THSD7B: variants seen among roughly 807,000 people sequenced by gnomAD.
THSD7B encodes the protein thrombospondin type 1 domain containing 7B, also known as thrombospondin type-1 domain-containing protein 7B.
THSD7B carries 138 observed loss-of-function variants against 213.6 expected under a neutral mutation model. The ratio of observed to expected loss-of-function variants is 0.65; its 90% CI spans 0.56 to 0.74. THSD7B has a LOEUF of 0.74. Among genes scored for constraint, THSD7B ranks in the 30% least tolerant of loss-of-function variants. The probability of loss-of-function intolerance (pLI) is 0.00; values close to 1 mark genes in which losing one functional copy is unlikely to be tolerated. For synonymous variants in THSD7B, 742 were observed against 687.0 expected (o/e 1.08, Z -1.25); for missense variants, 1,931 against 1,991.5 (o/e 0.97, Z 0.58).
chr2:137,482,174 C>T (rs968142503), intron 15 of THSD7B, among the ~76,000 whole-genome samples: 1 of 121,156 alleles, frequency 8.3e-6, no homozygotes, highest in Non-Finnish European at 1.7e-5. Context: ...AGCAAGACTC[C>T]GGCCCTCCCC....
At position 137,094,830 on chromosome 2, in the gene THSD7B, C is replaced by A. The variant is rs774946639; in HGVS notation, c.951-43C>A. ...GGCACTTTATAATGTTAGTTGCATCCATTAATATATGGCCTCCTATTTTCT... is the reference window on the plus strand; with the variant it reads ...GGCACTTTATAATGTTAGTTGCATCAATTAATATATGGCCTCCTATTTTCT... On this transcript the variant is annotated intron_variant, in intron 3 of 27. Transcript: ENST00000409968. 2.5e-6 allele frequency: 4 copies of A among 1,586,408 alleles called. No homozygotes were observed. The South Asian group carries it at 4.6e-5, about 18-fold the overall frequency.
intron 2 of THSD7B, among the ~76,000 whole-genome samples, chr2:136,909,390 T>G (rs1264532030): frequency 6.6e-6 from 1 of 152,150 alleles, no homozygotes; most frequent in Non-Finnish European, 1.5e-5. Flanking sequence ...CTTTCCTTTA[T>G]CCAAAGATAA....
chr2:137,055,570 C>T (rs887775023), intron 2 of THSD7B, among the ~76,000 whole-genome samples: 4 of 152,124 alleles, frequency 2.6e-5, no homozygotes, highest in Admixed American at 6.5e-5. Flanking sequence ...ATATGATAAA[C>T]GTCAATGGGC....
intron 12 of THSD7B, among the ~76,000 whole-genome samples, chr2:137,348,315 G>A (rs1374459608): frequency 6.6e-6 from 1 of 151,740 alleles, no homozygotes; most frequent in Non-Finnish European, 1.5e-5. Context: ...AATGCCTACT[G>A]AGAGTATCCA....
intron 7 of THSD7B, among the ~76,000 whole-genome samples, chr2:137,188,809 G>T (rs1411424409): frequency 6.6e-6 from 1 of 152,064 alleles, no homozygotes; most frequent in African/African-American, 2.4e-5. Context: ...AATGGACCTG[G>T]GCACTTTAAG....
chr2:137,115,145 A>G lies in THSD7B; in HGVS notation c.1221A>G (p.Glu407=), dbSNP rs1401130897. 5 of 1,613,782 alleles carry G rather than the reference A, an allele frequency of 3.1e-6. No individual in the cohort carries two copies. The highest frequency in any genetic ancestry group is 4.2e-6 in the Non-Finnish European group (5 of 1,179,870). ...QCPRYSWRTS[E]WKECQVSLLL... ...ACAGGTATTCCTGGAGAACTTCTGA[A>G]TGGAAAGAATGCCAAGTCTCTCTCC... The change falls in exon 5 of 28, where the codon GAA becomes GAG. Residue 407 remains glutamate, a synonymous_variant. Coordinates refer to ENST00000409968, the MANE Select transcript of THSD7B (RefSeq NM_001316349.2).
intron 3 of THSD7B, among the ~76,000 whole-genome samples, chr2:137,070,718 C>T (rs1687467758): frequency 6.6e-6 from 1 of 151,968 alleles, no homozygotes; most frequent in Non-Finnish European, 1.5e-5. Context: ...CCCCTGTCCC[C>T]CACCCCACAA....
At chr2:136,890,609 G>T (rs1458577378) in intron 2 of THSD7B, among the ~76,000 whole-genome samples, 1 of 137,562 alleles carries the variant, frequency 7.3e-6, no homozygotes, top group African/African-American at 2.7e-5. Flanking sequence ...GTGTGATCTC[G>T]GCTCACTGCA....
rs10206850 is a variant in THSD7B, at chr2:137,663,426, A to G, written c.4502A>G (p.Lys1501Arg). 0.58 allele frequency: 917,423 copies of G among 1,591,202 alleles called. 266,107 individuals are homozygous for G. Among genetic ancestry groups the G allele is most frequent in the Middle Eastern group, 0.65 (3,935 of 6,044 alleles). Residue 1501 changes from lysine to arginine, a missense_variant, in exon 26 of 28, where the codon AAA (lysine) becomes AGA (arginine). Lys to Arg is a conservative substitution (Grantham distance 26). Transcript: ENST00000409968. The stretch of plus-strand genomic sequence containing the variant: ...GAGAAGGGCTATACAGAGATAATGA[A>G]ATCAAATGGTTTCCTGGATTACTGC... ...GCEKGYTEIMKSNGFLDYCMK... is the reference protein window; with the variant it reads ...GCEKGYTEIMRSNGFLDYCMK...
At chr2:137,112,249 G>T (rs1688361535) in intron 4 of THSD7B, among the ~76,000 whole-genome samples, 1 of 151,864 alleles carries the variant, frequency 6.6e-6, no homozygotes, top group African/African-American at 2.4e-5. Flanking sequence ...AAAGAAAAAA[G>T]GTTGAGCAAA....
chr2:137,116,776 GA>G (rs1410504310), intron 5 of THSD7B, among the ~76,000 whole-genome samples: 3 of 152,144 alleles, frequency 2.0e-5, no homozygotes, highest in Non-Finnish European at 4.4e-5. Flanking sequence ...CTAGAATTGG[GA>G]ATTAGATGCT....
intron 15 of THSD7B, among the ~76,000 whole-genome samples, chr2:137,509,347 T>C (rs1361665864): frequency 6.6e-6 from 1 of 151,488 alleles, no homozygotes; most frequent in Admixed American, 6.6e-5. Flanking sequence ...TTTTTCTCTT[T>C]CTTTCTCCTT....
intron 1 of THSD7B, among the ~76,000 whole-genome samples, chr2:136,842,163 T>A (rs927847767): frequency 1.3e-5 from 2 of 152,220 alleles, no homozygotes; most frequent in African/African-American, 4.8e-5. Flanking sequence ...GCATTATCAC[T>A]TCCTTTTTCA....
At chr2:137,015,895 G>A (rs1206103165) in intron 2 of THSD7B, among the ~76,000 whole-genome samples, 1 of 152,148 alleles carries the variant, frequency 6.6e-6, no homozygotes, top group Admixed American at 6.5e-5. Context: ...CTTTCCTCGA[G>A]AGGAGGGAGG....
At chr2:137,621,995 G>A (rs1307484417) in intron 20 of THSD7B, among the ~76,000 whole-genome samples, 1 of 152,128 alleles carries the variant, frequency 6.6e-6, no homozygotes, top group African/African-American at 2.4e-5. Flanking sequence ...ATAATGCTGT[G>A]TTGCAGGAAT....
chr2:137,076,957 T>C (rs2104899579), intron 3 of THSD7B, among the ~76,000 whole-genome samples: 1 of 148,016 alleles, frequency 6.8e-6, no homozygotes, highest in East Asian at 2.0e-4. Flanking sequence ...GTATATCTCC[T>C]AATGCTATCC....
chr2:136,820,118 G>A (rs530463012), intron 1 of THSD7B, among the ~76,000 whole-genome samples: 7 of 152,044 alleles, frequency 4.6e-5, no homozygotes, highest in South Asian at 2.1e-4. Flanking sequence ...ATTTGTTTAC[G>A]GCCAGTATTT....
intron 17 of THSD7B, among the ~76,000 whole-genome samples, chr2:137,582,790 C>T (rs1245073851): frequency 1.3e-5 from 2 of 152,106 alleles, no homozygotes; most frequent in South Asian, 2.1e-4. Context: ...AATACTGCCG[C>T]AATAAACATA....
chr2:137,414,963 G>A (rs543133598), intron 14 of THSD7B, among the ~76,000 whole-genome samples: 4 of 149,992 alleles, frequency 2.7e-5, no homozygotes, highest in Non-Finnish European at 5.9e-5. Context: ...GGCTGAGGTG[G>A]GAGAATCACT....
Sources: gnomAD v4.1 joint callset for allele counts (sites outside exome capture counted in the v4.1 genomes callset) on GRCh38, gnomAD v4.1.1 for gene constraint, MANE v1.5 for transcripts, NCBI Gene and HGNC (gene_info 2026-07-23, HGNC 2026-07-21) for gene names.